Variants in EPC2 observed in about 807,000 individuals in gnomAD.
EPC2 encodes the protein enhancer of polycomb 2, also known as enhancer of polycomb homolog 2.
In EPC2, 14 loss-of-function variants were observed where a neutral mutation model predicts 92.1. That is an observed-to-expected ratio of 0.15 (90% confidence interval 0.10 to 0.24). The LOEUF is 0.24. Ranked by LOEUF, EPC2 falls within the 10% of genes least tolerant of loss-of-function variation. The pLI is 1.00. For synonymous variants in EPC2, 340 were observed against 334.7 expected, an observed-to-expected ratio of 1.02 and a Z score of -0.17; for missense variants, 755 against 971.5, an observed-to-expected ratio of 0.78 and a Z score of 2.96.
At chr2:148,721,939 A>T (rs1234288045) in intron 2 of EPC2, among the ~76,000 whole-genome samples, 2 of 32,472 alleles carry the variant, frequency 6.2e-5, no homozygotes, top group Admixed American at 4.0e-4. Flanking sequence ...TATATTATTC[A>T]TCTGTTTTTG....
chr2:148,753,075 G>T (rs1324542794), intron 3 of EPC2, among the ~76,000 whole-genome samples: 1 of 152,140 alleles, frequency 6.6e-6, no homozygotes, highest in African/African-American at 2.4e-5. Flanking sequence ...ATGGATATGT[G>T]TAACCCCCAT....
At chr2:148,762,546 A>G in intron 5 of EPC2, 124 bp from the exon 6 acceptor site, 2 of 704,294 alleles carry the variant, frequency 2.8e-6, no homozygotes, top group Non-Finnish European at 4.4e-6. Context: ...TTTATCTTTT[A>G]AAAGTAATTT....
At chr2:148,699,442 A>T (rs1357584674) in intron 2 of EPC2, among the ~76,000 whole-genome samples, 1 of 152,204 alleles carries the variant, frequency 6.6e-6, no homozygotes, top group South Asian at 2.1e-4. Context: ...TCGCTGGTAC[A>T]TTCTTCCAAA....
intron 2 of EPC2, among the ~76,000 whole-genome samples, chr2:148,736,894 G>A (rs145657787): frequency 1.9e-3 from 282 of 150,410 alleles, no homozygotes; most frequent in African/African-American, 6.7e-3. Flanking sequence ...CAGCCTAGGA[G>A]TTCAAAAGCA....
intron 3 of EPC2, among the ~76,000 whole-genome samples, chr2:148,748,137 C>T (rs1683020981): frequency 6.6e-6 from 1 of 152,086 alleles, no homozygotes; most frequent in Admixed American, 6.6e-5. Flanking sequence ...GATTGTTTCA[C>T]AAACTTGTTC....
chr2:148,705,166 A>G (rs984161510), intron 2 of EPC2, among the ~76,000 whole-genome samples: 1 of 152,158 alleles, frequency 6.6e-6, no homozygotes, highest in Non-Finnish European at 1.5e-5. Context: ...CAAATTAATA[A>G]TAATTCCTTG....
intron 10 of EPC2, 59 bp from the exon 11 acceptor site, chr2:148,781,585 T>C (rs1683749579): frequency 1.3e-6 from 2 of 1,493,916 alleles, no homozygotes; most frequent in Admixed American, 2.0e-5. Flanking sequence ...CATATTCTGC[T>C]TGTGTTATTA....
At chr2:148,649,180 TC>T (rs1382588680) in intron 1 of EPC2, among the ~76,000 whole-genome samples, 1 of 152,260 alleles carries the variant, frequency 6.6e-6, no homozygotes, top group East Asian at 1.9e-4. Flanking sequence ...TTTCATTTAA[TC>T]CTTTTTTTAA....
intron 4 of EPC2, among the ~76,000 whole-genome samples, chr2:148,760,782 GAA>G (rs1387845973): frequency 1.3e-5 from 2 of 152,064 alleles, no homozygotes; most frequent in Non-Finnish European, 1.5e-5. Flanking sequence ...ATACACAAAA[GAA>G]AAAGAGTATA....
chr2:148,680,642 G>A (rs6759083), intron 1 of EPC2, among the ~76,000 whole-genome samples: 35,994 of 152,062 alleles, frequency 0.24, 4,931 homozygotes, highest in East Asian at 0.51. Context: ...ATAGAATGAA[G>A]TTGACAGAGA....
chr2:148,781,880 A>G, intron 11 of EPC2, 100 bp downstream of exon 11: 1 of 1,427,812 alleles, frequency 7.0e-7, no homozygotes, highest in Non-Finnish European at 9.6e-7. Context: ...TGGTTTTGCC[A>G]CTCTTGATTT....
intron 3 of EPC2, among the ~76,000 whole-genome samples, chr2:148,746,399 A>AT (rs1268291427): frequency 6.6e-6 from 1 of 152,046 alleles, no homozygotes; most frequent in South Asian, 2.1e-4. Flanking sequence ...AGATCCATCC[A>AT]TTTTTTATCC....
intron 4 of EPC2, among the ~76,000 whole-genome samples, chr2:148,757,358 A>C (rs920414715): frequency 6.6e-6 from 1 of 152,178 alleles, no homozygotes; most frequent in Non-Finnish European, 1.5e-5. Context: ...CCTGGGTGAC[A>C]GTGCGAGACT....
At chr2:148,751,244 C>T (rs917413070) in intron 3 of EPC2, among the ~76,000 whole-genome samples, 1 of 151,870 alleles carries the variant, frequency 6.6e-6, no homozygotes, top group Non-Finnish European at 1.5e-5. Flanking sequence ...ATAATATATT[C>T]GTTTATGTAT....
chr2:148,734,885 G>A (rs548854383), intron 2 of EPC2, among the ~76,000 whole-genome samples: 1 of 148,914 alleles, frequency 6.7e-6, no homozygotes, highest in Admixed American at 6.7e-5. Context: ...CTTATTTATT[G>A]CTGAGTATAA....
intron 2 of EPC2, among the ~76,000 whole-genome samples, chr2:148,718,527 G>T (rs1165717187): frequency 6.6e-6 from 1 of 152,094 alleles, no homozygotes; most frequent in Non-Finnish European, 1.5e-5. Flanking sequence ...ACATTCTGGG[G>T]TGGAAATTCT....
intron 2 of EPC2, among the ~76,000 whole-genome samples, chr2:148,740,509 A>T (rs1322581556): frequency 6.6e-6 from 1 of 152,096 alleles, no homozygotes; most frequent in East Asian, 1.9e-4. Context: ...ACATTGTCAG[A>T]TCTCCTATCA....
At chr2:148,767,215 AT>A (rs1289931578) in intron 7 of EPC2, among the ~76,000 whole-genome samples, 144 of 138,630 alleles carry the variant, frequency 1.0e-3, no homozygotes, top group Non-Finnish European at 1.9e-3. Context: ...AAAAAAAAAA[AT>A]GAATGATACT....
intron 2 of EPC2, among the ~76,000 whole-genome samples, chr2:148,693,403 T>C (rs1035090956): frequency 2.8e-4 from 42 of 152,158 alleles, no homozygotes; most frequent in African/African-American, 9.9e-4. Context: ...ACTGTTGTAA[T>C]TACTATCCAT....
Sources: allele counts gnomAD v4.1 joint callset (sites outside exome capture counted in the v4.1 genomes callset), GRCh38; gene constraint gnomAD v4.1.1; transcripts MANE v1.5; gene names NCBI Gene and HGNC (gene_info 2026-07-23, HGNC 2026-07-21).